The following ANKUB1 variants were observed in gnomAD, a reference collection of about 807,000 sequenced individuals.
ANKUB1 encodes the protein ankyrin repeat and ubiquitin domain containing 1.
In ANKUB1, 42 loss-of-function variants were observed where a neutral mutation model predicts 49.3. That is an observed-to-expected ratio of 0.85 (90% CI 0.67 to 1.10). The LOEUF (loss-of-function observed/expected upper bound fraction) is 1.10, where lower values mean the gene tolerates loss of function less well. ANKUB1 is among the 50% of genes least tolerant of loss of function. ANKUB1 has a pLI of 0.00. For missense variants in ANKUB1, 613 were observed against 642.0 expected (o/e 0.95, Z 0.49); for synonymous variants, 222 against 231.0 (o/e 0.96, Z 0.35).
chr3:149,769,485 C>T (rs1002070577), intron 4 of ANKUB1, among the ~76,000 whole-genome samples: 1 of 152,200 alleles, frequency 6.6e-6, no homozygotes, highest in Non-Finnish European at 1.5e-5. Flanking sequence ...TACAGACGTC[C>T]TTTGACTTAT....
intron 2 of ANKUB1, chr3:149,783,851 C>G (rs577438317): frequency 6.6e-6 from 1 of 152,140 alleles, no homozygotes; most frequent in African/African-American, 2.4e-5. Context: ...ATTGGAACAC[C>G]TTTCTTCACC....
At chr3:149,786,457 G>A (rs1414692079) in intron 2 of ANKUB1, among the ~76,000 whole-genome samples, 2 of 152,170 alleles carry the variant, frequency 1.3e-5, no homozygotes, top group East Asian at 1.9e-4. Flanking sequence ...ATTTGTTTAA[G>A]TTCTTTGTAG....
chr3:149,773,306 T>C (rs936414059), intron 3 of ANKUB1, among the ~76,000 whole-genome samples: 3 of 152,206 alleles, frequency 2.0e-5, no homozygotes, highest in Non-Finnish European at 4.4e-5. Flanking sequence ...CTGGTTTGGA[T>C]TTCTTGACCT....
Position 149,780,037 on chromosome 3 carries a change from C to T in ANKUB1, c.451+202G>A, listed in dbSNP as rs1717786225. On this transcript the variant is annotated intron_variant, in intron 3 of 5. Transcript: ENST00000446160. ...GCTTGTAAGGCCAGGAGAGGGAGGG[C>T]AACTTACCACTACACATCCTTTTCA... 8.7e-6 allele frequency: 5 copies of T among 576,516 alleles called. No homozygotes were observed. The South Asian group carries it at 8.9e-5, about 10-fold the overall frequency. 35.7% of individuals were successfully genotyped at this position (576,516 alleles called of 1,614,324 possible).
At position 149,767,438 on chromosome 3, in the gene ANKUB1, A is replaced by T; in HGVS notation, c.1224T>A (p.His408Gln). 2 of 1,551,626 alleles carry T rather than the reference A, an allele frequency of 1.3e-6. No homozygotes were observed. Among genetic ancestry groups the T allele is most frequent in the African/African-American group, 1.4e-5 (1 of 73,144 alleles). The change falls in exon 5 of 6, where the codon CAT becomes CAA. Residue 408 changes from histidine (H) to glutamine (Q), a missense_variant. Physicochemically the swap from His to Gln is conservative, Grantham distance 24. Coordinates refer to ENST00000446160, the MANE Select transcript of ANKUB1 (RefSeq NM_001144960.3). ...AGAATGAACTTGCATTCACCAGTGG[A>T]TGAAATTTGAGGGCTTGTTTTCTTG... is the stretch of plus-strand genomic sequence containing the variant. The part of the protein sequence containing the change: ...PDTRKQALKF[H>Q]PLVNASSFSE...
At chr3:149,765,548 GCA>G (rs59155543) in intron 5 of ANKUB1, among the ~76,000 whole-genome samples, 74 of 147,358 alleles carry the variant, frequency 5.0e-4, no homozygotes, top group East Asian at 9.9e-4. Flanking sequence ...ACACACACAT[GCA>G]CACACACACA....
chr3:149,784,567 G>A (rs1163224243), intron 2 of ANKUB1, among the ~76,000 whole-genome samples: 1 of 152,140 alleles, frequency 6.6e-6, no homozygotes, highest in Non-Finnish European at 1.5e-5. Context: ...TTAGTTCTGG[G>A]GCGTGCTTTA....
chr3:149,764,551 T>G (rs1239108823), intron 5 of ANKUB1, among the ~76,000 whole-genome samples: 1 of 151,612 alleles, frequency 6.6e-6, no homozygotes, highest in African/African-American at 2.4e-5. Context: ...ATCCCTTCCT[T>G]CCTTTCCCTT....
At chr3:149,776,207 C>T (rs1350795038) in intron 3 of ANKUB1, among the ~76,000 whole-genome samples, 1 of 152,176 alleles carries the variant, frequency 6.6e-6, no homozygotes, top group Non-Finnish European at 1.5e-5. Flanking sequence ...TTACCAGCAT[C>T]TTGAAAACAG....
intron 3 of ANKUB1, among the ~76,000 whole-genome samples, chr3:149,776,788 C>T (rs977881065): frequency 7.1e-6 from 1 of 141,000 alleles, no homozygotes; most frequent in Non-Finnish European, 1.5e-5. Context: ...TGGTGAAACC[C>T]TGTCTCTATA....
intron 5 of ANKUB1, 53 bp from the exon 6 acceptor site, chr3:149,761,666 A>G (rs1716791348): frequency 5.3e-6 from 8 of 1,513,616 alleles, no homozygotes; most frequent in Non-Finnish European, 6.2e-6. Flanking sequence ...GTCTGCATAC[A>G]TAGCTGAAAA....
intron 3 of ANKUB1, chr3:149,778,555 A>G (rs1717708867): frequency 6.6e-6 from 1 of 152,182 alleles, no homozygotes; most frequent in African/African-American, 2.4e-5. Flanking sequence ...TTAAATAACT[A>G]AATTATCAGT....
intron 3 of ANKUB1, among the ~76,000 whole-genome samples, chr3:149,773,980 G>A (rs989103063): frequency 3.3e-5 from 5 of 152,096 alleles, no homozygotes; most frequent in African/African-American, 7.2e-5. Context: ...GCAACACAGC[G>A]AGACCCCATC....
chr3:149,767,086 T>C (rs551313064), intron 5 of ANKUB1, 71 bp downstream of exon 5: 1 of 1,364,514 alleles, frequency 7.3e-7, no homozygotes, highest in East Asian at 2.5e-5. Context: ...TAGGGCATTA[T>C]GGACCATTCC....
chr3:149,776,763 C>A (rs896448134), intron 3 of ANKUB1, among the ~76,000 whole-genome samples: 1 of 151,320 alleles, frequency 6.6e-6, no homozygotes, highest in Non-Finnish European at 1.5e-5. Context: ...GAGTTTGAGA[C>A]CAGCCTGGCC....
rs1226695961 is a variant in ANKUB1 at position 149,761,597 on chromosome 3, G to A, written c.1522C>T (p.Arg508Ter). 10 of 1,550,770 alleles carry A rather than the reference G, an allele frequency of 6.4e-6. No homozygotes were observed. The highest frequency in any genetic ancestry group is 3.9e-5 in the Admixed American group (2 of 50,948). Residue 508 changes from arginine to a stop codon, truncating the protein, a stop_gained, in exon 6 of 6, where the codon CGA (arginine) becomes TGA (stop). Transcript: ENST00000446160. LOFTEE classifies it high-confidence loss of function. ...GCTATTTCTAACTGCTGAAGCCATC[G>A]TTTCTCTTTAAAGGCACTGCAAGAA... ...LAVASAFKEK[R>*]WLQQLEIARV...
At chr3:149,792,086 G>T (rs887936754) in intron 1 of ANKUB1, among the ~76,000 whole-genome samples, 191 bp downstream of exon 1, 2 of 148,972 alleles carry the variant, frequency 1.3e-5, no homozygotes, top group Admixed American at 6.7e-5. Flanking sequence ...TTGCTTTCTT[G>T]TCCAACACTA....
chr3:149,762,095 A>G (rs947857667), intron 5 of ANKUB1, among the ~76,000 whole-genome samples: 1 of 152,208 alleles, frequency 6.6e-6, no homozygotes, highest in African/African-American at 2.4e-5. Flanking sequence ...TGCAAATTTG[A>G]ATACGATTAC....
chr3:149,792,474 C>A lies in ANKUB1; in HGVS notation c.-108G>T. The stretch of plus-strand genomic sequence containing the variant: ...TAAGGACAAAAATGATAGCCAGAGG[C>A]AGCTGTCACTGTCTAGCCTCAAAGG... On this transcript the variant is annotated 5_prime_UTR_variant, in exon 1 of 6. Coordinates refer to ENST00000446160, the MANE Select transcript of ANKUB1 (RefSeq NM_001144960.3). The A allele has an allele frequency of 1.2e-6, 1 of 838,814 alleles. No homozygotes were observed. Among genetic ancestry groups the A allele is most frequent in the Non-Finnish European group, 1.7e-6 (1 of 571,622 alleles). The allele number at this position is 838,814 out of a possible 1,614,324, so 52.0% of individuals were successfully genotyped here.
Sources: allele counts gnomAD v4.1 joint callset (sites outside exome capture counted in the v4.1 genomes callset), GRCh38; gene constraint gnomAD v4.1.1; transcripts MANE v1.5; gene names NCBI Gene and HGNC (gene_info 2026-07-23, HGNC 2026-07-21).